The following ZFYVE9 variants were observed in gnomAD, a reference collection of about 807,000 sequenced individuals.
ZFYVE9 encodes the protein zinc finger FYVE domain-containing protein 9.
ZFYVE9 carries 43 observed loss-of-function variants against 126.7 expected under a neutral mutation model. The observed-to-expected ratio is 0.34, with a 90% CI of 0.27 to 0.44. ZFYVE9 has a LOEUF of 0.44. Ranked by LOEUF, ZFYVE9 falls within the 20% of genes least tolerant of loss-of-function variation. ZFYVE9 has a pLI of 1.00. For missense variants in ZFYVE9, 1,476 were observed against 1,697.0 expected, an observed-to-expected ratio of 0.87 and a Z score of 2.29; for synonymous variants, 521 against 597.4, an observed-to-expected ratio of 0.87 and a Z score of 1.87.
intron 11 of ZFYVE9, among the ~76,000 whole-genome samples, chr1:52,295,498 C>T (rs1030228472): frequency 6.6e-6 from 1 of 152,036 alleles, no homozygotes; most frequent in African/African-American, 2.4e-5. Flanking sequence ...GATGGGACTA[C>T]AGGTGCATGC....
At position 52,293,576 on chromosome 1, in the gene ZFYVE9, C is replaced by T. The variant is rs1460094518; in HGVS notation, c.3149C>T (p.Thr1050Ile). ...TCACTGCAAGACCTAGTACTCCCAA[C>T]CCCACCTTACTTGTTTGGGATTCTT... ...YQSLQDLVLP[T>I]PPYLFGILIQ... Residue 1050 changes from threonine (T) to isoleucine (I), a missense_variant, in exon 11 of 19, where the codon ACC (threonine) becomes ATC (isoleucine). By Grantham distance (89) the Thr-to-Ile change is moderately conservative (BLOSUM62 -1). Transcript: ENST00000287727. The T allele has an allele frequency of 6.2e-7, 1 of 1,614,032 alleles. No individual in the cohort carries two copies. Among genetic ancestry groups the T allele is most frequent in the Admixed American group, 1.7e-5 (1 of 59,996 alleles).
chr1:52,165,526 T>G (rs532892270), intron 1 of ZFYVE9, among the ~76,000 whole-genome samples: 2 of 152,164 alleles, frequency 1.3e-5, no homozygotes. Flanking sequence ...GGGGAAAATA[T>G]GATTGAATTA....
intron 1 of ZFYVE9, among the ~76,000 whole-genome samples, chr1:52,193,870 C>T (rs1012078036): frequency 2.6e-5 from 4 of 151,912 alleles, no homozygotes; most frequent in African/African-American, 9.7e-5. Context: ...TCTTGGTAAT[C>T]GTTGAAAAAT....
chr1:52,190,506 A>G (rs1422344310), intron 1 of ZFYVE9, among the ~76,000 whole-genome samples: 2 of 152,224 alleles, frequency 1.3e-5, no homozygotes, highest in East Asian at 1.9e-4. Flanking sequence ...AAATAAAACA[A>G]TGTTTCTGTC....
At chr1:52,151,329 A>G (rs1644354642) in intron 1 of ZFYVE9, among the ~76,000 whole-genome samples, 1 of 152,112 alleles carries the variant, frequency 6.6e-6, no homozygotes, top group African/African-American at 2.4e-5. Flanking sequence ...TAAGGTCATT[A>G]TATTATTATG....
intron 4 of ZFYVE9, among the ~76,000 whole-genome samples, chr1:52,261,022 A>G (rs1052359277): frequency 1.3e-5 from 2 of 151,936 alleles, no homozygotes; most frequent in African/African-American, 4.8e-5. Flanking sequence ...TATTTCCTCT[A>G]CTATTACTGT....
intron 1 of ZFYVE9, among the ~76,000 whole-genome samples, chr1:52,176,016 C>T (rs1316439641): frequency 2.0e-5 from 3 of 152,206 alleles, no homozygotes; most frequent in African/African-American, 7.2e-5. Context: ...ATTCTCCATC[C>T]AGGTTTGTTC....
intron 12 of ZFYVE9, among the ~76,000 whole-genome samples, chr1:52,296,921 C>A (rs1645981394): frequency 6.6e-6 from 1 of 152,200 alleles, no homozygotes; most frequent in Non-Finnish European, 1.5e-5. Context: ...ATTCTCGTGC[C>A]TGAGCCTCCT....
At chr1:52,149,108 C>T (rs1158513649) in intron 1 of ZFYVE9, among the ~76,000 whole-genome samples, 2 of 151,404 alleles carry the variant, frequency 1.3e-5, no homozygotes, top group Admixed American at 6.6e-5. Context: ...TTACTACAGG[C>T]GCCTGTCACT....
intron 1 of ZFYVE9, among the ~76,000 whole-genome samples, chr1:52,146,027 C>CACACACACACACA (rs150268323): frequency 8.9e-5 from 13 of 146,182 alleles, no homozygotes; most frequent in African/African-American, 3.3e-4. Flanking sequence ...TCAAAAATAT[C>CACACACACACACA]CACACACACA....
Position 52,332,802 on chromosome 1 carries a change from T to C in ZFYVE9, c.3473T>C (p.Val1158Ala). The change falls in exon 14 of 19, where the codon GTC (valine) becomes GCC (alanine). Residue 1158 changes from valine (V) to alanine (A), a missense_variant. This residue lies in a region of ZFYVE9 where 669 missense variants were observed against 902.4 expected (regional missense o/e 0.74). Transcript: ENST00000287727. ...GCCATGAACAAGTCCAATGAGCATGTCCTGGCAGGAGGTGCCTGCTTCAAT... is the reference window on the plus strand; with the variant it reads ...GCCATGAACAAGTCCAATGAGCATGCCCTGGCAGGAGGTGCCTGCTTCAAT... The part of the protein sequence containing the change: ...MKAMNKSNEH[V>A]LAGGACFNEK... 1 of 1,614,148 alleles carries C rather than the reference T, an allele frequency of 6.2e-7. No individual in the cohort carries two copies. The highest frequency in any genetic ancestry group is 8.5e-7 in the Non-Finnish European group (1 of 1,180,024).
At chr1:52,275,680 A>G (rs1007859761) in intron 8 of ZFYVE9, among the ~76,000 whole-genome samples, 1 of 152,106 alleles carries the variant, frequency 6.6e-6, no homozygotes, top group Non-Finnish European at 1.5e-5. Flanking sequence ...TCAGTATACA[A>G]TTACTACATT....
intron 7 of ZFYVE9, among the ~76,000 whole-genome samples, chr1:52,270,167 A>G (rs979437255): frequency 1.3e-5 from 2 of 152,206 alleles, no homozygotes; most frequent in African/African-American, 4.8e-5. Context: ...TCATTTTCTT[A>G]TACAACCACA....
intron 1 of ZFYVE9, among the ~76,000 whole-genome samples, chr1:52,210,022 A>G (rs1354447731): frequency 6.6e-6 from 1 of 152,186 alleles, no homozygotes. Context: ...ATTATGGGAT[A>G]TGGCAGTGGG....
chr1:52,209,384 C>A (rs1024643750), intron 1 of ZFYVE9, among the ~76,000 whole-genome samples: 1 of 152,098 alleles, frequency 6.6e-6, no homozygotes, highest in Non-Finnish European at 1.5e-5. Flanking sequence ...TTTTAAAGCA[C>A]ACATTCAGTG....
chr1:52,237,454 A>G, intron 3 of ZFYVE9, 34 bp from the exon 4 acceptor site: 1 of 1,540,856 alleles, frequency 6.5e-7, no homozygotes, highest in South Asian at 1.2e-5. Flanking sequence ...CAGTGTTACA[A>G]GCAAACTTAT....
intron 13 of ZFYVE9, among the ~76,000 whole-genome samples, chr1:52,319,981 C>G (rs1646223203): frequency 6.8e-6 from 1 of 147,526 alleles, no homozygotes; most frequent in East Asian, 2.1e-4. Context: ...CCATTGCACT[C>G]CAGCCTGGTG....
At chr1:52,259,493 G>A (rs11810999) in intron 4 of ZFYVE9, among the ~76,000 whole-genome samples, 7,171 of 151,876 alleles carry the variant, frequency 0.047, 568 homozygotes, top group African/African-American at 0.16. Flanking sequence ...TAAAGTAAAA[G>A]GAGAGAAAAG....
chr1:52,311,602 G>C (rs1332455069), intron 13 of ZFYVE9, among the ~76,000 whole-genome samples: 1 of 151,910 alleles, frequency 6.6e-6, no homozygotes, highest in East Asian at 1.9e-4. Flanking sequence ...TACCTTAGTG[G>C]GTTAATCTCT....
Sources: gnomAD v4.1 joint callset for allele counts (sites outside exome capture counted in the v4.1 genomes callset) on GRCh38, gnomAD v4.1.1 for gene constraint, gnomAD v4.1.1 regional missense constraint, MANE v1.5 for transcripts, NCBI Gene and HGNC (gene_info 2026-07-23, HGNC 2026-07-21) for gene names.